CNTNAP5: variants seen among roughly 807,000 people sequenced by gnomAD.
CNTNAP5 encodes the protein contactin-associated protein-like 5.
In CNTNAP5, 72 loss-of-function variants were observed where a neutral mutation model predicts 150.2. The ratio of observed to expected loss-of-function variants is 0.48; its 90% CI spans 0.40 to 0.58. The LOEUF (loss-of-function observed/expected upper bound fraction) is 0.58, where lower values mean the gene tolerates loss of function less well. Among genes scored for constraint, CNTNAP5 ranks in the 20% least tolerant of loss-of-function variants. CNTNAP5 has a pLI of 0.00. For missense variants in CNTNAP5, 1,636 were observed against 1,626.2 expected, an observed-to-expected ratio of 1.01 and a Z score of -0.10; for synonymous variants, 672 against 619.8, an observed-to-expected ratio of 1.08 and a Z score of -1.25.
chr2:124,587,537 G>C (rs550389537), intron 11 of CNTNAP5, among the ~76,000 whole-genome samples: 1 of 152,184 alleles, frequency 6.6e-6, no homozygotes, highest in African/African-American at 2.4e-5. Context: ...GCCAAACTTA[G>C]GTCTCTTTTT....
chr2:124,862,377 A>G (rs1677544389), intron 19 of CNTNAP5, among the ~76,000 whole-genome samples: 1 of 152,214 alleles, frequency 6.6e-6, no homozygotes, highest in Admixed American at 6.5e-5. Flanking sequence ...CTTAGGGACA[A>G]CACCTTCCCT....
rs1558722308 is a variant in CNTNAP5 at position 124,655,935 on chromosome 2, G to GATAGAGAGAAAGAAAGAAAGAA, written c.2077+7978_2077+7979insTAGAGAGAAAGAAAGAAAGAAA. On this transcript the variant is annotated intron_variant, in intron 13 of 23. Coordinates refer to ENST00000682447, the MANE Select transcript of CNTNAP5 (RefSeq NM_001367498.1). ...AAAGAAAGACAGAAAGAGAGAGAGAGAGAGAGAGAGAGAAAGAAAGAAAGA... is the reference window on the plus strand; with the variant it reads ...AAAGAAAGACAGAAAGAGAGAGAGAGATAGAGAGAAAGAAAGAAAGAAAGAGAGAGAGAGAAAGAAAGAAAGA... Among the ~76,000 whole-genome samples the GATAGAGAGAAAGAAAGAAAGAA allele has an allele frequency of 1.9e-3, 172 of 91,734 alleles. 1 individual carries two copies. The highest frequency in any genetic ancestry group is 7.5e-3 in the African/African-American group (167 of 22,190). 60.2% of individuals were successfully genotyped at this position (91,734 alleles called of 152,430 possible).
intron 19 of CNTNAP5, among the ~76,000 whole-genome samples, chr2:124,842,999 A>G (rs949102073): frequency 6.6e-6 from 1 of 152,084 alleles, no homozygotes; most frequent in East Asian, 1.9e-4. Context: ...TTTGGTGCAC[A>G]CATCACACAA....
At chr2:124,100,864 C>CAAA (rs60441145) in intron 1 of CNTNAP5, among the ~76,000 whole-genome samples, 7 of 88,000 alleles carry the variant, frequency 8.0e-5, no homozygotes, top group Middle Eastern at 6.0e-3. Flanking sequence ...GACTCTGTCT[C>CAAA]AAAAAAAAAA....
chr2:124,877,421 G>T (rs2602654), intron 21 of CNTNAP5, among the ~76,000 whole-genome samples: 4,900 of 152,164 alleles, frequency 0.032, 103 homozygotes, highest in African/African-American at 0.064. Context: ...CTCCTTCTAA[G>T]AGGGGTGGCC....
intron 21 of CNTNAP5, among the ~76,000 whole-genome samples, chr2:124,887,685 C>A (rs1491004054): frequency 1.3e-5 from 2 of 152,094 alleles, no homozygotes; most frequent in East Asian, 3.9e-4. Context: ...CTGTGAAATT[C>A]ATTCTAGAAA....
chr2:124,346,395 G>A (rs1300962508), intron 3 of CNTNAP5, among the ~76,000 whole-genome samples: 1 of 152,170 alleles, frequency 6.6e-6, no homozygotes, highest in African/African-American at 2.4e-5. Flanking sequence ...GATAGATAAA[G>A]TAAAATAGTG....
At chr2:124,218,503 A>C (rs919232006) in intron 1 of CNTNAP5, among the ~76,000 whole-genome samples, 7 of 152,154 alleles carry the variant, frequency 4.6e-5, no homozygotes, top group African/African-American at 1.7e-4. Context: ...ATGTTTCCCA[A>C]AAAGCCACTG....
At chr2:124,088,461 C>A (rs1297946482) in intron 1 of CNTNAP5, among the ~76,000 whole-genome samples, 1 of 151,892 alleles carries the variant, frequency 6.6e-6, no homozygotes, top group African/African-American at 2.4e-5. Context: ...TTGTTTTTGT[C>A]ATACTATTTA....
intron 19 of CNTNAP5, among the ~76,000 whole-genome samples, chr2:124,811,478 T>C (rs1682217501): frequency 6.6e-6 from 1 of 152,066 alleles, no homozygotes; most frequent in Non-Finnish European, 1.5e-5. Flanking sequence ...AGAAAATTAG[T>C]TTTTTTCCCT....
chr2:124,702,590 G>A (rs906956029), intron 13 of CNTNAP5, among the ~76,000 whole-genome samples: 2 of 151,590 alleles, frequency 1.3e-5, no homozygotes, highest in African/African-American at 4.8e-5. Flanking sequence ...TGGCTGTTGA[G>A]TTTACCTGCT....
At chr2:124,418,272 C>T (rs1247865653) in intron 4 of CNTNAP5, among the ~76,000 whole-genome samples, 1 of 152,088 alleles carries the variant, frequency 6.6e-6, no homozygotes, top group African/African-American at 2.4e-5. Flanking sequence ...ACATATTCTG[C>T]TTATATGCTA....
intron 1 of CNTNAP5, among the ~76,000 whole-genome samples, chr2:124,183,903 A>G (rs150270597): frequency 1.8e-4 from 27 of 152,298 alleles, no homozygotes; most frequent in Non-Finnish European, 5.9e-5. Context: ...CAAAAGTAAT[A>G]GCGAAAACCG....
intron 1 of CNTNAP5, among the ~76,000 whole-genome samples, chr2:124,199,406 C>A (rs1430832798): frequency 7.8e-6 from 1 of 128,442 alleles, no homozygotes; most frequent in Admixed American, 8.9e-5. Context: ...ACATTTATTC[C>A]AAGGTTCTTT....
At chr2:124,490,191 A>G (rs896243659) in intron 7 of CNTNAP5, among the ~76,000 whole-genome samples, 8 of 151,990 alleles carry the variant, frequency 5.3e-5, no homozygotes, top group Admixed American at 5.3e-4. Context: ...AAAATTAGCC[A>G]GGCATGGTGG....
chr2:124,754,906 A>G (rs1362063931), intron 14 of CNTNAP5, among the ~76,000 whole-genome samples: 2 of 152,074 alleles, frequency 1.3e-5, no homozygotes, highest in African/African-American at 4.8e-5. Flanking sequence ...TGGAAAGAAT[A>G]AAAAGGCATT....
At chr2:124,097,311 C>T (rs1682959009) in intron 1 of CNTNAP5, among the ~76,000 whole-genome samples, 1 of 152,180 alleles carries the variant, frequency 6.6e-6, no homozygotes, top group Non-Finnish European at 1.5e-5. Context: ...TTCTAAAGCA[C>T]TGTCACACTA....
intron 1 of CNTNAP5, among the ~76,000 whole-genome samples, chr2:124,052,376 C>T (rs542427750): frequency 2.6e-4 from 39 of 152,190 alleles, no homozygotes; most frequent in Middle Eastern, 3.4e-3. Context: ...AGGACAGGAG[C>T]GAGGAAATGC....
chr2:124,248,584 C>T lies in CNTNAP5; in HGVS notation c.381+6191C>T, dbSNP rs572808594. On this transcript the variant is annotated intron_variant, in intron 3 of 23. Coordinates refer to ENST00000682447, the MANE Select transcript of CNTNAP5 (RefSeq NM_001367498.1). ...GCTTCAGCAGGCTCCCTCCAGCCCTCTGGCTCCACATTTAGCCCATGAAAG... is the reference window on the plus strand; with the variant it reads ...GCTTCAGCAGGCTCCCTCCAGCCCTTTGGCTCCACATTTAGCCCATGAAAG... Among the ~76,000 whole-genome samples the T allele has an allele frequency of 2.3e-3, 358 of 152,354 alleles. 1 individual carries two copies. Among genetic ancestry groups the T allele is most frequent in the African/African-American group, 8.1e-3 (336 of 41,602 alleles).
Sources: gnomAD v4.1 joint callset for allele counts (sites outside exome capture counted in the v4.1 genomes callset) on GRCh38, gnomAD v4.1.1 for gene constraint, MANE v1.5 for transcripts, NCBI Gene and HGNC (gene_info 2026-07-23, HGNC 2026-07-21) for gene names.